The following CFAP44 variants were observed in gnomAD, a reference collection of about 807,000 sequenced individuals.
The protein encoded by CFAP44 is cilia- and flagella-associated protein 44.
A neutral mutation model predicts 216.2 loss-of-function variants in CFAP44; 134 were observed. The ratio of observed to expected loss-of-function variants is 0.62; its 90% CI spans 0.54 to 0.72. The LOEUF (loss-of-function observed/expected upper bound fraction) is 0.72, where lower values mean the gene tolerates loss of function less well. Among genes scored for constraint, CFAP44 ranks in the 30% least tolerant of loss-of-function variants. The probability of loss-of-function intolerance (pLI) is 0.00; values close to 1 mark genes in which losing one functional copy is unlikely to be tolerated. For synonymous variants in CFAP44, 700 were observed against 727.6 expected, an observed-to-expected ratio of 0.96 and a Z score of 0.61; for missense variants, 2,035 against 2,182.1, an observed-to-expected ratio of 0.93 and a Z score of 1.34.
intron 13 of CFAP44, 119 bp downstream of exon 13, chr3:113,399,787 T>G: frequency 1.6e-6 from 1 of 627,456 alleles, no homozygotes; most frequent in Non-Finnish European, 2.6e-6. Context: ...TAAACTAACT[T>G]AAAACTTTTA....
At chr3:113,437,652 C>T (rs1207069192) in intron 1 of CFAP44, among the ~76,000 whole-genome samples, 1 of 152,176 alleles carries the variant, frequency 6.6e-6, no homozygotes, top group Admixed American at 6.5e-5. Context: ...AATACTATTC[C>T]TACCTTTCCT....
chr3:113,441,272 T>C (rs1935356720), intron 1 of CFAP44, among the ~76,000 whole-genome samples, 181 bp downstream of exon 1: 1 of 152,174 alleles, frequency 6.6e-6, no homozygotes, highest in Non-Finnish European at 1.5e-5. Context: ...GTGCACACAG[T>C]GTCTAGCTCC....
intron 23 of CFAP44, among the ~76,000 whole-genome samples, chr3:113,344,197 T>A (rs1265534247): frequency 6.6e-6 from 1 of 151,952 alleles, no homozygotes; most frequent in East Asian, 1.9e-4. Context: ...TAGCTAGATG[T>A]GGCAAGTAAG....
Position 113,287,118 on chromosome 3 carries a change from C to CG in CFAP44, c.*4438dup, listed in dbSNP as rs1559898577. On this transcript the variant is annotated 3_prime_UTR_variant, in exon 35 of 35. Transcript: ENST00000393845. ...CAGGAAAGCACCGCACAGGCTGGCG[C>CG]GGGACAGACTCCTAACCTGGGGCCT... is the stretch of plus-strand genomic sequence containing the variant. 5 of 497,778 alleles carry CG rather than the reference C, an allele frequency of 1.0e-5. No individual in the cohort carries two copies. In the East Asian group the frequency reaches 2.8e-4, roughly 28 times the overall value. The allele number at this position is 497,778 out of a possible 1,614,324, so 30.8% of individuals were successfully genotyped here.
At chr3:113,357,362 T>A (rs1294967582) in intron 22 of CFAP44, among the ~76,000 whole-genome samples, 1 of 152,136 alleles carries the variant, frequency 6.6e-6, no homozygotes, top group Admixed American at 6.5e-5. Flanking sequence ...TAATGAAACA[T>A]GACTGGTGTT....
chr3:113,435,713 A>G (rs1298180056), intron 1 of CFAP44, among the ~76,000 whole-genome samples: 1 of 140,950 alleles, frequency 7.1e-6, no homozygotes, highest in South Asian at 2.4e-4. Flanking sequence ...TGAGTGACAG[A>G]CCAAGACTCT....
At chr3:113,323,506 C>G (rs1213524437) in intron 28 of CFAP44, among the ~76,000 whole-genome samples, 1 of 152,136 alleles carries the variant, frequency 6.6e-6, no homozygotes, top group Non-Finnish European at 1.5e-5. Context: ...GAAAAACTAC[C>G]TATTTGGTAC....
chr3:113,341,144 C>T (rs1024778611), intron 24 of CFAP44, among the ~76,000 whole-genome samples: 12 of 152,140 alleles, frequency 7.9e-5, no homozygotes, highest in Admixed American at 3.3e-4. Flanking sequence ...TTTTAATAGG[C>T]CCAGGATAGG....
chr3:113,373,505 C>T lies in CFAP44; in HGVS notation c.2350G>A (p.Glu784Lys), dbSNP rs756556223. The T allele has an allele frequency of 1.9e-6, 3 of 1,606,190 alleles. No individual in the cohort carries two copies. Among genetic ancestry groups the T allele is most frequent in the Admixed American group, 3.4e-5 (2 of 59,016 alleles). Reference protein sequence around the residue: ...LYHCEFPPCDESSDFKEQKDE... With the variant: ...LYHCEFPPCDKSSDFKEQKDE... ...TTTTGTTCTTTGAAATCACTGCTTT[C>T]ATCACAAGGGGGGAACTCACAGTGA... The change falls in exon 18 of 35, where the codon GAA becomes AAA. Residue 784 changes from glutamate (E) to lysine (K), a missense_variant. Glu to Lys is a moderately conservative substitution (Grantham distance 56, BLOSUM62 1). This residue lies in a region of CFAP44 where 1,883 missense variants were observed against 2,023.7 expected (regional missense o/e 0.93). Transcript: ENST00000393845.
intron 34 of CFAP44, among the ~76,000 whole-genome samples, chr3:113,293,496 A>C (rs11916690): frequency 0.19 from 28,155 of 152,184 alleles, 2,754 homozygotes; most frequent in African/African-American, 0.24. Flanking sequence ...ATACTGTGTA[A>C]AGAGACAGAT....
chr3:113,386,964 G>A (rs1576584155), intron 15 of CFAP44, among the ~76,000 whole-genome samples: 1 of 152,286 alleles, frequency 6.6e-6, no homozygotes, highest in East Asian at 1.9e-4. Context: ...GCACAACTCA[G>A]CCAGTGCCCA....
At chr3:113,370,532 C>A (rs7618608) in intron 18 of CFAP44, among the ~76,000 whole-genome samples, 4 of 152,094 alleles carry the variant, frequency 2.6e-5, no homozygotes, top group Non-Finnish European at 5.9e-5. Flanking sequence ...ATTCAACAGC[C>A]CTTCATGCTA....
chr3:113,363,654 A>T, intron 19 of CFAP44, 122 bp from the exon 20 acceptor site: 1 of 848,402 alleles, frequency 1.2e-6, no homozygotes, highest in Non-Finnish European at 1.7e-6. Flanking sequence ...CCAATTTCTA[A>T]TAATTATAGG....
At chr3:113,315,968 C>A (rs1471782648) in intron 28 of CFAP44, among the ~76,000 whole-genome samples, 1 of 152,124 alleles carries the variant, frequency 6.6e-6, no homozygotes, top group East Asian at 1.9e-4. Context: ...AGGACATACC[C>A]CATGGTAAAT....
chr3:113,302,456 G>GAAAAAAAAAAAAAA (rs1949944461), intron 32 of CFAP44, among the ~76,000 whole-genome samples: 1 of 60,360 alleles, frequency 1.7e-5, no homozygotes, highest in Non-Finnish European at 3.1e-5. Flanking sequence ...ACTAGACAAA[G>GAAAAAAAAAAAAAA]TAAAAAAAAA....
At chr3:113,440,944 C>T (rs1030756265) in intron 1 of CFAP44, among the ~76,000 whole-genome samples, 3 of 152,184 alleles carry the variant, frequency 2.0e-5, no homozygotes, top group Non-Finnish European at 2.9e-5. Context: ...ACCTATTATC[C>T]GACAAATATT....
chr3:113,372,704 T>G (rs1933210213), intron 18 of CFAP44, among the ~76,000 whole-genome samples: 1 of 152,152 alleles, frequency 6.6e-6, no homozygotes, highest in South Asian at 2.1e-4. Flanking sequence ...GTTGTGCACA[T>G]GTACCCTAGA....
At position 113,351,076 on chromosome 3, in the gene CFAP44, A is replaced by C. The variant is rs144588810; in HGVS notation, c.3066-6364T>G. Among the ~76,000 whole-genome samples the C allele has an allele frequency of 1.6e-4, 24 of 152,334 alleles. No homozygotes were observed. The East Asian group carries it at 2.1e-3, about 13-fold the overall frequency. On this transcript the variant is annotated intron_variant, in intron 22 of 34. Coordinates refer to ENST00000393845, the MANE Select transcript of CFAP44 (RefSeq NM_001164496.2). ...AGAGGCAGGGTTAGGAAAATTGCCT[A>C]ATAATGGGTCCGCTCAAATGTGTGA...
At chr3:113,295,828 T>G (rs1949874295) in intron 33 of CFAP44, among the ~76,000 whole-genome samples, 1 of 152,224 alleles carries the variant, frequency 6.6e-6, no homozygotes, top group Admixed American at 6.5e-5. Context: ...TGGCACAGCA[T>G]GCAAAAACCA....
Sources: gnomAD v4.1 joint callset for allele counts (sites outside exome capture counted in the v4.1 genomes callset) on GRCh38, gnomAD v4.1.1 for gene constraint, gnomAD v4.1.1 regional missense constraint, MANE v1.5 for transcripts, NCBI Gene and HGNC (gene_info 2026-07-23, HGNC 2026-07-21) for gene names.